RALYL: variants seen among roughly 807,000 people sequenced by gnomAD.
RALYL encodes RALY RNA binding protein like, also known as RNA-binding Raly-like protein.
RALYL carries 29 observed loss-of-function variants against 35.1 expected under a neutral mutation model. The ratio of observed to expected loss-of-function variants is 0.83; its 90% CI spans 0.61 to 1.13. The LOEUF is 1.13. Among genes scored for constraint, RALYL ranks in the 50% most tolerant of loss-of-function variants. RALYL has a pLI of 0.00. For synonymous variants in RALYL, 120 were observed against 127.6 expected (o/e 0.94, Z 0.40); for missense variants, 359 against 360.4 (o/e 1.00, Z 0.03).
chr8:84,227,056 C>CTTTTTTTTTT (rs1158995864), intron 1 of RALYL, among the ~76,000 whole-genome samples: 2 of 81,890 alleles, frequency 2.4e-5, no homozygotes, highest in Non-Finnish European at 2.2e-5. Flanking sequence ...AATTGTATTT[C>CTTTTTTTTTT]TTTTTTTTTT....
At chr8:84,528,879 A>G (rs1588005372) in intron 1 of RALYL, among the ~76,000 whole-genome samples, 1 of 152,136 alleles carries the variant, frequency 6.6e-6, no homozygotes, top group Non-Finnish European at 1.5e-5. Flanking sequence ...ATAAAAATGC[A>G]TGTACTCAAA....
intron 3 of RALYL, among the ~76,000 whole-genome samples, chr8:84,781,766 T>C (rs1424562567): frequency 1.3e-5 from 2 of 152,144 alleles, no homozygotes; most frequent in Non-Finnish European, 2.9e-5. Context: ...TAATAAAACT[T>C]ATGCAGTCAC....
chr8:84,747,687 A>G (rs986453726), intron 2 of RALYL, among the ~76,000 whole-genome samples: 2 of 151,942 alleles, frequency 1.3e-5, no homozygotes, highest in Admixed American at 6.6e-5. Context: ...TATATTTTTA[A>G]GTTGAACAGA....
intron 7 of RALYL, among the ~76,000 whole-genome samples, chr8:84,882,881 T>TA (rs1171158828): frequency 6.6e-6 from 1 of 152,076 alleles, no homozygotes; most frequent in Non-Finnish European, 1.5e-5. Flanking sequence ...TAATTATTCA[T>TA]AAAAAAAGAA....
chr8:84,207,034 G>A (rs754556712), intron 1 of RALYL, among the ~76,000 whole-genome samples: 3 of 152,154 alleles, frequency 2.0e-5, no homozygotes, highest in Admixed American at 6.5e-5. Context: ...TGGCCAGAGT[G>A]TGGAGAAAAG....
chr8:84,315,125 T>C (rs1395465551), intron 1 of RALYL, among the ~76,000 whole-genome samples: 1 of 152,178 alleles, frequency 6.6e-6, no homozygotes, highest in African/African-American at 2.4e-5. Context: ...TAACAAAACA[T>C]TGGAAATAAA....
chr8:84,691,623 C>T (rs1589038981), intron 2 of RALYL, among the ~76,000 whole-genome samples: 1 of 151,824 alleles, frequency 6.6e-6, no homozygotes, highest in African/African-American at 2.4e-5. Flanking sequence ...CTTTCTTCCT[C>T]CCCCCTCCCC....
intron 1 of RALYL, among the ~76,000 whole-genome samples, chr8:84,299,629 T>G (rs1333246504): frequency 6.6e-6 from 1 of 151,990 alleles, no homozygotes; most frequent in African/African-American, 2.4e-5. Flanking sequence ...CTTTTAATTA[T>G]TGATTCAACT....
intron 2 of RALYL, among the ~76,000 whole-genome samples, chr8:84,766,742 A>C (rs1004083147): frequency 6.7e-5 from 10 of 149,058 alleles, no homozygotes; most frequent in Non-Finnish European, 1.3e-4. Flanking sequence ...AAAAAAAAAA[A>C]AAAAAACTCC....
intron 2 of RALYL, among the ~76,000 whole-genome samples, chr8:84,558,786 A>G (rs892088136): frequency 6.6e-5 from 10 of 152,068 alleles, no homozygotes; most frequent in African/African-American, 1.9e-4. Flanking sequence ...TTCAGTGAGG[A>G]TTGTCCTCTG....
At chr8:84,790,197 C>G (rs888845377) in intron 3 of RALYL, among the ~76,000 whole-genome samples, 1 of 152,116 alleles carries the variant, frequency 6.6e-6, no homozygotes. Context: ...GCAGGGCAAG[C>G]TAGTCAGCTG....
intron 1 of RALYL, among the ~76,000 whole-genome samples, chr8:84,326,038 G>C (rs1242020910): frequency 6.6e-6 from 1 of 152,116 alleles, no homozygotes; most frequent in African/African-American, 2.4e-5. Context: ...CTTGAACCTG[G>C]GAGGCGGAGG....
chr8:84,408,598 A>G (rs899578135), intron 1 of RALYL, among the ~76,000 whole-genome samples: 2 of 152,232 alleles, frequency 1.3e-5, no homozygotes, highest in African/African-American at 2.4e-5. Context: ...GACGCTCTCT[A>G]TGTAGTCATT....
chr8:84,645,663 G>C (rs1437262469), intron 2 of RALYL, among the ~76,000 whole-genome samples: 1 of 152,024 alleles, frequency 6.6e-6, no homozygotes, highest in Non-Finnish European at 1.5e-5. Flanking sequence ...CCAGTCCTTT[G>C]GTCAGACTTG....
chr8:84,567,651 C>G (rs1046710732), intron 2 of RALYL, among the ~76,000 whole-genome samples: 1 of 150,704 alleles, frequency 6.6e-6, no homozygotes, highest in Non-Finnish European at 1.5e-5. Context: ...GTGAATAGTG[C>G]TGTGATAAAT....
At chr8:84,225,777 G>A (rs998337600) in intron 1 of RALYL, among the ~76,000 whole-genome samples, 7 of 152,114 alleles carry the variant, frequency 4.6e-5, no homozygotes, top group Admixed American at 1.3e-4. Context: ...AGTCTCGAAT[G>A]TGTGTGCTTG....
chr8:84,809,054 G>A (rs1825317683), intron 4 of RALYL, among the ~76,000 whole-genome samples: 1 of 152,074 alleles, frequency 6.6e-6, no homozygotes, highest in Admixed American at 6.5e-5. Flanking sequence ...GAAGAGGAGT[G>A]GTGAGAGTGG....
chr8:84,266,049 G>A (rs573266176), intron 1 of RALYL, among the ~76,000 whole-genome samples: 6 of 152,184 alleles, frequency 3.9e-5, no homozygotes, highest in African/African-American at 1.4e-4. Flanking sequence ...ATTCCTTGAC[G>A]TTAATAGCCT....
At chr8:84,850,915 C>A (rs972386124) in intron 5 of RALYL, among the ~76,000 whole-genome samples, 23 of 152,200 alleles carry the variant, frequency 1.5e-4, no homozygotes, top group African/African-American at 5.5e-4. Flanking sequence ...CACATCACAT[C>A]CACTTTCCTC....
Sources: allele counts gnomAD v4.1 joint callset (sites outside exome capture counted in the v4.1 genomes callset), GRCh38; gene constraint gnomAD v4.1.1; transcripts MANE v1.5; gene names NCBI Gene and HGNC (gene_info 2026-07-23, HGNC 2026-07-21).